Variants in CDH12 observed in about 807,000 individuals in gnomAD.
CDH12 encodes the protein cadherin 12.
Under a neutral mutation model 74.1 loss-of-function variants are expected in CDH12, and 41 were observed. The observed-to-expected ratio is 0.55, with a 90% CI of 0.43 to 0.72. CDH12 has a LOEUF of 0.72. CDH12 is among the 30% of genes least tolerant of loss of function. The probability of loss-of-function intolerance (pLI) is 0.00; values close to 1 mark genes in which losing one functional copy is unlikely to be tolerated. For synonymous variants in CDH12, 399 were observed against 355.0 expected (o/e 1.12, Z -1.39); for missense variants, 945 against 977.2 (o/e 0.97, Z 0.44).
intron 2 of CDH12, among the ~76,000 whole-genome samples, chr5:22,417,161 G>T (rs538515033): frequency 6.6e-4 from 101 of 152,164 alleles, no homozygotes; most frequent in Non-Finnish European, 1.6e-4. Context: ...ATATCATTTT[G>T]CATTTTAAGA....
At chr5:21,986,670 A>T (rs1325829311) in intron 5 of CDH12, among the ~76,000 whole-genome samples, 2 of 152,124 alleles carry the variant, frequency 1.3e-5, no homozygotes, top group Admixed American at 6.5e-5. Context: ...TTGATGTATC[A>T]TTTCAAACAA....
intron 3 of CDH12, among the ~76,000 whole-genome samples, chr5:22,348,376 T>C (rs1204566499): frequency 6.6e-6 from 1 of 152,214 alleles, no homozygotes; most frequent in Non-Finnish European, 1.5e-5. Flanking sequence ...AATGTCGGAA[T>C]TTGTTCAGTC....
chr5:22,647,523 C>T (rs1476163215), intron 1 of CDH12, among the ~76,000 whole-genome samples: 1 of 151,696 alleles, frequency 6.6e-6, no homozygotes, highest in Non-Finnish European at 1.5e-5. Context: ...CTCTTCCTTG[C>T]TTATAGGTGA....
intron 1 of CDH12, among the ~76,000 whole-genome samples, chr5:22,823,797 A>G (rs1749858117): frequency 6.6e-6 from 1 of 152,100 alleles, no homozygotes; most frequent in Non-Finnish European, 1.5e-5. Context: ...TCTCTTTGCC[A>G]TGTAAGACAT....
chr5:22,033,137 A>G (rs533156039), intron 5 of CDH12, among the ~76,000 whole-genome samples: 3 of 152,226 alleles, frequency 2.0e-5, no homozygotes, highest in Non-Finnish European at 4.4e-5. Flanking sequence ...AAATGTGGAA[A>G]TTTTAGCAAT....
At chr5:22,852,774 T>C (rs1252867155) in intron 1 of CDH12, among the ~76,000 whole-genome samples, 2 of 152,222 alleles carry the variant, frequency 1.3e-5, no homozygotes, top group Non-Finnish European at 2.9e-5. Flanking sequence ...ATTTGAAAAT[T>C]TAGCCATGCT....
At chr5:22,241,304 C>G (rs1046261259) in intron 3 of CDH12, among the ~76,000 whole-genome samples, 1 of 151,898 alleles carries the variant, frequency 6.6e-6, no homozygotes, top group Non-Finnish European at 1.5e-5. Flanking sequence ...AATAAAATAA[C>G]CTTACTATAC....
chr5:21,949,712 A>T (rs1004110397), intron 6 of CDH12, among the ~76,000 whole-genome samples: 6 of 152,172 alleles, frequency 3.9e-5, no homozygotes, highest in Admixed American at 2.0e-4. Flanking sequence ...AAGTTAAAAG[A>T]TGTAAAATTA....
chr5:22,641,857 T>C (rs920231810), intron 1 of CDH12, among the ~76,000 whole-genome samples: 6 of 152,190 alleles, frequency 3.9e-5, no homozygotes, highest in Non-Finnish European at 8.8e-5. Context: ...TCTAGTGTCT[T>C]GAATAATGCC....
At chr5:22,616,666 T>A (rs2126833771) in intron 1 of CDH12, among the ~76,000 whole-genome samples, 1 of 152,082 alleles carries the variant, frequency 6.6e-6, no homozygotes, top group African/African-American at 2.4e-5. Flanking sequence ...CTTGATATGA[T>A]GAAAAGAAAG....
intron 3 of CDH12, among the ~76,000 whole-genome samples, chr5:22,264,085 T>C (rs923628738): frequency 1.3e-5 from 2 of 151,580 alleles, no homozygotes; most frequent in African/African-American, 2.4e-5. Context: ...TTTACTCTAT[T>C]ATATATTTAT....
intron 1 of CDH12, among the ~76,000 whole-genome samples, chr5:22,813,145 T>G: frequency 6.6e-6 from 1 of 152,190 alleles, no homozygotes; most frequent in East Asian, 1.9e-4. Flanking sequence ...TGTATAAGAT[T>G]ATAAATGATT....
intron 8 of CDH12, among the ~76,000 whole-genome samples, chr5:21,835,965 CAT>C (rs933638061): frequency 2.0e-5 from 3 of 151,682 alleles, no homozygotes; most frequent in African/African-American, 7.3e-5. Flanking sequence ...GAAGAAAAAA[CAT>C]ATAGCATATA....
chr5:22,584,081 A>AATTTATTT (rs3047309), intron 1 of CDH12, among the ~76,000 whole-genome samples: 8,612 of 147,476 alleles, frequency 0.058, 516 homozygotes, highest in African/African-American at 0.15. Flanking sequence ...TTGTTTGCGG[A>AATTTATTT]ATTTATTTAT....
intron 12 of CDH12, among the ~76,000 whole-genome samples, chr5:21,764,519 C>T (rs1423005463): frequency 6.6e-6 from 1 of 151,620 alleles, no homozygotes; most frequent in African/African-American, 2.4e-5. Flanking sequence ...CATGGTGGCG[C>T]ATGCCTATAA....
chr5:22,028,118 A>C (rs112675052), intron 5 of CDH12, among the ~76,000 whole-genome samples: 30 of 152,040 alleles, frequency 2.0e-4, no homozygotes, highest in African/African-American at 7.0e-4. Context: ...CATGTAGTTG[A>C]GAGGTTTTGA....
intron 3 of CDH12, among the ~76,000 whole-genome samples, chr5:22,359,464 C>G (rs993996846): frequency 1.3e-5 from 2 of 152,104 alleles, no homozygotes; most frequent in African/African-American, 4.8e-5. Context: ...GACTTAGACT[C>G]CCACACAATA....
chr5:22,654,164 C>G (rs1197421061), intron 1 of CDH12, among the ~76,000 whole-genome samples: 1 of 147,792 alleles, frequency 6.8e-6, no homozygotes, highest in African/African-American at 2.5e-5. Context: ...TTCCTTCCCT[C>G]CCTTCCTTCC....
intron 4 of CDH12, among the ~76,000 whole-genome samples, chr5:22,166,048 T>C (rs1027561336): frequency 3.5e-4 from 54 of 152,348 alleles, no homozygotes; most frequent in African/African-American, 1.2e-3. Flanking sequence ...CTTAGTAAAC[T>C]TGCTTTCACT....
Sources: gnomAD v4.1 joint callset for allele counts (sites outside exome capture counted in the v4.1 genomes callset) on GRCh38, gnomAD v4.1.1 for gene constraint, MANE v1.5 for transcripts, NCBI Gene and HGNC (gene_info 2026-07-23, HGNC 2026-07-21) for gene names.